CDH13: variants seen among roughly 807,000 people sequenced by gnomAD.
CDH13 encodes the protein cadherin-13.
CDH13 carries 24 observed loss-of-function variants against 63.8 expected under a neutral mutation model. The observed-to-expected ratio is 0.38, with a 90% CI of 0.27 to 0.53. The LOEUF (loss-of-function observed/expected upper bound fraction) is 0.53. Ranked by LOEUF, CDH13 falls within the 20% of genes least tolerant of loss-of-function variation. CDH13 has a pLI of 0.85. For missense variants in CDH13, 1,049 were observed against 903.1 expected, an observed-to-expected ratio of 1.16 and a Z score of -2.07; for synonymous variants, 503 against 355.3, an observed-to-expected ratio of 1.42 and a Z score of -4.67.
intron 7 of CDH13, among the ~76,000 whole-genome samples, chr16:83,598,747 A>G (rs1598350339): frequency 6.6e-6 from 1 of 152,260 alleles, no homozygotes; most frequent in East Asian, 1.9e-4. Flanking sequence ...AACAACAACA[A>G]CAAACTCCAT....
intron 1 of CDH13, among the ~76,000 whole-genome samples, chr16:82,630,959 A>G (rs1216982717): frequency 6.6e-6 from 1 of 152,202 alleles, no homozygotes; most frequent in Non-Finnish European, 1.5e-5. Context: ...AAAGAACTTC[A>G]ATGCAGCAAC....
intron 1 of CDH13, among the ~76,000 whole-genome samples, chr16:82,664,648 G>A (rs2150931860): frequency 6.6e-6 from 1 of 152,290 alleles, no homozygotes; most frequent in East Asian, 1.9e-4. Context: ...TTCTCTAGAT[G>A]TGATTTGTTT....
At chr16:82,700,659 C>G (rs2030874938) in intron 1 of CDH13, among the ~76,000 whole-genome samples, 1 of 152,018 alleles carries the variant, frequency 6.6e-6, no homozygotes, top group Admixed American at 6.6e-5. Context: ...CCTAGAATTT[C>G]AAAAACAGTC....
chr16:82,720,394 C>T (rs1482363601), intron 1 of CDH13, among the ~76,000 whole-genome samples: 2 of 152,132 alleles, frequency 1.3e-5, no homozygotes, highest in African/African-American at 2.4e-5. Flanking sequence ...AATTAATTCA[C>T]CTTCCAAATT....
At chr16:82,879,141 C>A (rs1200833830) in intron 2 of CDH13, among the ~76,000 whole-genome samples, 1 of 152,124 alleles carries the variant, frequency 6.6e-6, no homozygotes, top group South Asian at 2.1e-4. Context: ...TTGTGGACAT[C>A]ACAGCTCTGG....
chr16:82,717,890 C>A (rs1321952040), intron 1 of CDH13, among the ~76,000 whole-genome samples: 2 of 152,106 alleles, frequency 1.3e-5, no homozygotes, highest in African/African-American at 4.8e-5. Context: ...CCAGTTTATT[C>A]CCAAAATGCA....
chr16:83,508,797 A>C (rs991293369), intron 7 of CDH13, among the ~76,000 whole-genome samples: 2 of 152,230 alleles, frequency 1.3e-5, no homozygotes, highest in African/African-American at 2.4e-5. Flanking sequence ...GCACTCAAAT[A>C]GGCAGAGAGC....
chr16:82,678,496 T>C (rs1914189951), intron 1 of CDH13, among the ~76,000 whole-genome samples: 1 of 152,186 alleles, frequency 6.6e-6, no homozygotes, highest in South Asian at 2.1e-4. Context: ...GAGACTTGTA[T>C]AATCCTAGCT....
chr16:82,744,215 T>C (rs550064289), intron 1 of CDH13, among the ~76,000 whole-genome samples: 44 of 152,304 alleles, frequency 2.9e-4, no homozygotes, highest in African/African-American at 1.0e-3. Flanking sequence ...AGCAAATACC[T>C]GGTTGGAATA....
intron 5 of CDH13, among the ~76,000 whole-genome samples, chr16:83,331,661 T>C (rs2151904083): frequency 6.6e-6 from 1 of 152,364 alleles, no homozygotes; most frequent in African/African-American, 2.4e-5. Flanking sequence ...CCACTGTTAA[T>C]ATTTTAGCAT....
At chr16:82,648,150 G>A (rs1159542270) in intron 1 of CDH13, among the ~76,000 whole-genome samples, 3 of 152,132 alleles carry the variant, frequency 2.0e-5, no homozygotes, top group Non-Finnish European at 4.4e-5. Context: ...AAATTACCCA[G>A]TCTTGGGTAT....
At chr16:83,768,190 C>A (rs922389749) in intron 11 of CDH13, among the ~76,000 whole-genome samples, 2 of 151,930 alleles carry the variant, frequency 1.3e-5, no homozygotes. Flanking sequence ...AAATTAGGAT[C>A]ACACTATGTT....
intron 2 of CDH13, among the ~76,000 whole-genome samples, chr16:82,941,662 G>A (rs540803440): frequency 1.1e-4 from 17 of 152,096 alleles, no homozygotes; most frequent in Non-Finnish European, 2.2e-4. Flanking sequence ...CAGGCACCAG[G>A]CACATTTTCT....
chr16:83,509,806 C>T (rs575133596), intron 7 of CDH13, among the ~76,000 whole-genome samples: 3 of 152,316 alleles, frequency 2.0e-5, no homozygotes, highest in Non-Finnish European at 2.9e-5. Flanking sequence ...TGTGGATTCT[C>T]ATTTAATTAT....
intron 6 of CDH13, among the ~76,000 whole-genome samples, chr16:83,453,476 A>C (rs1371672845): frequency 6.6e-6 from 1 of 152,246 alleles, no homozygotes; most frequent in Non-Finnish European, 1.5e-5. Context: ...ATATTATTTA[A>C]AAAGCACTTA....
intron 5 of CDH13, among the ~76,000 whole-genome samples, chr16:83,293,695 G>C (rs1033591212): frequency 6.6e-6 from 1 of 152,168 alleles, no homozygotes; most frequent in African/African-American, 2.4e-5. Context: ...GTCTTTTCAT[G>C]TCAACTTATT....
At chr16:83,373,339 G>A (rs1015672743) in intron 6 of CDH13, among the ~76,000 whole-genome samples, 1 of 152,162 alleles carries the variant, frequency 6.6e-6, no homozygotes, top group Non-Finnish European at 1.5e-5. Context: ...TGCAAAGTAA[G>A]CTGATGGGTT....
chr16:83,208,927 C>T (rs898705107), intron 4 of CDH13, among the ~76,000 whole-genome samples: 9 of 152,124 alleles, frequency 5.9e-5, no homozygotes, highest in African/African-American at 1.9e-4. Flanking sequence ...TTTAAAGGGA[C>T]CCCTGCAAAT....
Position 83,643,298 on chromosome 16 carries a change from A to AG in CDH13, c.1102-27492_1102-27491insG, listed in dbSNP as rs1254248862. On this transcript the variant is annotated intron_variant, in intron 8 of 13. Coordinates refer to ENST00000567109, the MANE Select transcript of CDH13 (RefSeq NM_001257.5). ...TAGAGTATAATAAAAAAAAAAAAAAAAAAGAAAAAAAAAATTTAACAGATC... is the reference window on the plus strand; with the variant it reads ...TAGAGTATAATAAAAAAAAAAAAAAAGAAAGAAAAAAAAAATTTAACAGATC... 8.7e-4 allele frequency among the ~76,000 whole-genome samples: 37 copies of AG among 42,524 alleles called. 5 individuals are homozygous for AG. In the East Asian group the frequency reaches 0.035, roughly 40 times the overall value. 27.9% of individuals were successfully genotyped at this position (42,524 alleles called of 152,430 possible).
Sources: gnomAD v4.1 joint callset for allele counts (sites outside exome capture counted in the v4.1 genomes callset) on GRCh38, gnomAD v4.1.1 for gene constraint, MANE v1.5 for transcripts, NCBI Gene and HGNC (gene_info 2026-07-23, HGNC 2026-07-21) for gene names.